The following PARD3B variants were observed in gnomAD, a reference collection of about 807,000 sequenced individuals.
PARD3B encodes par-3 family cell polarity regulator beta.
Under a neutral mutation model 130.2 loss-of-function variants are expected in PARD3B, and 103 were observed. The observed-to-expected ratio is 0.79, with a 90% CI of 0.67 to 0.93. The LOEUF (loss-of-function observed/expected upper bound fraction) is 0.93, where lower values mean the gene tolerates loss of function less well. PARD3B is among the 40% of genes least tolerant of loss of function. PARD3B has a pLI of 0.00. For missense variants in PARD3B, 1,609 were observed against 1,499.2 expected (o/e 1.07, Z -1.21); for synonymous variants, 583 against 553.2 (o/e 1.05, Z -0.76).
intron 1 of PARD3B, among the ~76,000 whole-genome samples, chr2:204,658,039 C>A (rs1004389187): frequency 2.0e-5 from 3 of 152,084 alleles, no homozygotes; most frequent in African/African-American, 4.8e-5. Flanking sequence ...ATGATCTAAG[C>A]CTATCAGGTC....
At chr2:205,145,153 A>C (rs1346109818) in intron 10 of PARD3B, among the ~76,000 whole-genome samples, 1 of 152,120 alleles carries the variant, frequency 6.6e-6, no homozygotes, top group Non-Finnish European at 1.5e-5. Flanking sequence ...ACCCTAAATA[A>C]CGGCACATAT....
At chr2:205,495,195 T>C (rs768388675) in intron 20 of PARD3B, among the ~76,000 whole-genome samples, 70 of 152,214 alleles carry the variant, frequency 4.6e-4, no homozygotes, top group Admixed American at 1.4e-3. Flanking sequence ...TGTCCAGCTC[T>C]AAAGTGTTAT....
At chr2:205,448,218 G>A (rs2047975520) in intron 20 of PARD3B, among the ~76,000 whole-genome samples, 1 of 152,144 alleles carries the variant, frequency 6.6e-6, no homozygotes, top group Admixed American at 6.6e-5. Flanking sequence ...AGTCTATTGA[G>A]TTTATGATTG....
At chr2:204,836,383 C>T (rs2044031785) in intron 2 of PARD3B, among the ~76,000 whole-genome samples, 1 of 152,078 alleles carries the variant, frequency 6.6e-6, no homozygotes, top group South Asian at 2.1e-4. Flanking sequence ...TTTAAATTGG[C>T]TGGGCATGGT....
intron 21 of PARD3B, among the ~76,000 whole-genome samples, chr2:205,527,659 C>G (rs1332496327): frequency 1.3e-5 from 2 of 152,196 alleles, no homozygotes; most frequent in African/African-American, 4.8e-5. Flanking sequence ...AAGGCAATAA[C>G]CTTCATCAGG....
chr2:205,301,376 T>C lies in PARD3B; in HGVS notation c.2393-88T>C. The C allele has an allele frequency of 6.5e-7, 1 of 1,529,494 alleles. No individual in the cohort carries two copies. Among genetic ancestry groups the C allele is most frequent in the Non-Finnish European group, 8.7e-7 (1 of 1,144,450 alleles). The allele number at this position is 1,529,494 out of a possible 1,614,324, so 94.7% of individuals were successfully genotyped here. ...AGAACTACAGAGTGCTGTTATTCAT[T>C]CTTTTGCATTTTACATGTTAGCGTT... On this transcript the variant is annotated intron_variant, in intron 17 of 22. Transcript: ENST00000406610. This position sits in a 1 kb window ranked among gnomAD's most constrained non-coding sequence, Gnocchi z 5.2.
At chr2:204,585,611 T>C (rs2125087242) in intron 1 of PARD3B, among the ~76,000 whole-genome samples, 1 of 152,022 alleles carries the variant, frequency 6.6e-6, no homozygotes, top group Non-Finnish European at 1.5e-5. Flanking sequence ...CCCAAAGTGC[T>C]GGGATTACAG....
chr2:204,935,395 C>T (rs1688365196), intron 2 of PARD3B, among the ~76,000 whole-genome samples: 1 of 146,394 alleles, frequency 6.8e-6, no homozygotes, highest in African/African-American at 2.5e-5. Context: ...AAAAATTAGC[C>T]TGGCATGGTG....
chr2:204,658,705 G>T (rs1428083042), intron 1 of PARD3B, among the ~76,000 whole-genome samples: 1 of 151,936 alleles, frequency 6.6e-6, no homozygotes, highest in East Asian at 1.9e-4. Context: ...TAGATTTCTA[G>T]AAAATATGTG....
In PARD3B at chr2:204,755,274, G is replaced by A. The variant is rs116208150; in HGVS notation, c.222+68992G>A. ...TGAACACTAGTGTTCAGATTTGATT[G>A]GACTGATGATCTACTGACCCCCTAG... On this transcript the variant is annotated intron_variant, in intron 2 of 22. Coordinates refer to ENST00000406610, the MANE Select transcript of PARD3B (RefSeq NM_001302769.2). 6.7e-3 allele frequency among the ~76,000 whole-genome samples: 1,015 copies of A among 152,124 alleles called. 12 individuals are homozygous for A. Among genetic ancestry groups the A allele is most frequent in the African/African-American group, 0.024 (976 of 41,522 alleles).
chr2:205,016,978 G>T (rs1287206327), intron 3 of PARD3B, among the ~76,000 whole-genome samples: 1 of 152,166 alleles, frequency 6.6e-6, no homozygotes. Context: ...AGAGTTTAAG[G>T]GTGGGGGCTA....
chr2:204,791,123 T>TAA (rs11456507), intron 2 of PARD3B, among the ~76,000 whole-genome samples: 17,001 of 149,470 alleles, frequency 0.11, 1,086 homozygotes, highest in East Asian at 0.18. Flanking sequence ...AAAAAAAGGA[T>TAA]AAAAAAAAAA....
At chr2:205,039,535 TCTCAGCTCACTG>T (rs1698247882) in intron 3 of PARD3B, among the ~76,000 whole-genome samples, 2 of 152,126 alleles carry the variant, frequency 1.3e-5, no homozygotes, top group Admixed American at 6.6e-5. Flanking sequence ...AGTGGCGTGA[TCTCAGCTCACTG>T]CAACCTCTGC....
At chr2:205,074,412 G>A (rs1384333482) in intron 4 of PARD3B, among the ~76,000 whole-genome samples, 1 of 152,086 alleles carries the variant, frequency 6.6e-6, no homozygotes, top group African/African-American at 2.4e-5. Context: ...TACCTTGATG[G>A]GTTTGAAAGG....
rs1373477102 is a variant in PARD3B at position 204,736,227 on chromosome 2, GA to G, written c.222+49949del. ...TTTTAAATTTAGATTAATTCAGAAA[GA>G]AAATGCATTAGTTAAAACAAAGATG... On this transcript the variant is annotated intron_variant, in intron 2 of 22. Coordinates refer to ENST00000406610, the MANE Select transcript of PARD3B (RefSeq NM_001302769.2). 4.0e-5 allele frequency among the ~76,000 whole-genome samples: 6 copies of G among 151,728 alleles called. 1 individual carries two copies. In the South Asian group the frequency reaches 8.3e-4, roughly 21 times the overall value.
chr2:205,025,040 T>C (rs562952556), intron 3 of PARD3B, among the ~76,000 whole-genome samples: 1 of 152,128 alleles, frequency 6.6e-6, no homozygotes, highest in Non-Finnish European at 1.5e-5. Flanking sequence ...ATTAAATGCA[T>C]TCAGTTTAAC....
chr2:204,920,519 T>C (rs2047634284), intron 2 of PARD3B, among the ~76,000 whole-genome samples: 1 of 152,226 alleles, frequency 6.6e-6, no homozygotes. Context: ...GAGGGTAGTG[T>C]AATATATTCT....
chr2:205,383,649 C>A (rs1559039654), intron 18 of PARD3B, among the ~76,000 whole-genome samples: 1 of 151,964 alleles, frequency 6.6e-6, no homozygotes, highest in Non-Finnish European at 1.5e-5. Context: ...GTATACAGTT[C>A]TATGGGTTTT....
intron 15 of PARD3B, among the ~76,000 whole-genome samples, chr2:205,217,816 G>GTA (rs10638834): frequency 0.76 from 101,105 of 133,580 alleles, 38,694 homozygotes; most frequent in East Asian, 0.85. Flanking sequence ...GTGTATATAT[G>GTA]TATATGTGTG....
Sources: gnomAD v4.1 joint callset for allele counts (sites outside exome capture counted in the v4.1 genomes callset) on GRCh38, gnomAD v4.1.1 for gene constraint, Gnocchi (gnomAD v3.1) non-coding constraint, MANE v1.5 for transcripts, NCBI Gene and HGNC (gene_info 2026-07-23, HGNC 2026-07-21) for gene names.